SLC8A1: variants seen among roughly 807,000 people sequenced by gnomAD.
The protein encoded by SLC8A1 is solute carrier family 8 member A1, also known as sodium/calcium exchanger 1.
In SLC8A1, 18 loss-of-function variants were observed where a neutral mutation model predicts 68.3. The observed-to-expected ratio is 0.26, with a 90% CI of 0.18 to 0.39. SLC8A1 has a LOEUF of 0.39. Ranked by LOEUF, SLC8A1 falls within the 10% of genes least tolerant of loss-of-function variation. The pLI is 1.00. For missense variants in SLC8A1, 985 were observed against 1,156.7 expected (o/e 0.85, Z 2.15); for synonymous variants, 475 against 415.5 (o/e 1.14, Z -1.74).
rs374849942 is a variant in SLC8A1, at chr2:40,127,224, A to C, written c.2438-11595T>G. 2.0e-3 allele frequency among the ~76,000 whole-genome samples: 310 copies of C among 152,348 alleles called. 2 individuals carry two copies. Among genetic ancestry groups the C allele is most frequent in the African/African-American group, 7.0e-3 (292 of 41,588 alleles). On this transcript the variant is annotated intron_variant, in intron 7 of 7. Transcript: ENST00000406785. ...GACTCAGTTCAGTTATAGAAGCTATAGATGAGAGAGCTTAATCTTTACTCT... is the reference window on the plus strand; with the variant it reads ...GACTCAGTTCAGTTATAGAAGCTATCGATGAGAGAGCTTAATCTTTACTCT...
rs541439343 is a variant in SLC8A1, at chr2:40,162,713, TTGTC to T, written c.2062-1853_2062-1850del. Reference sequence around the variant, plus strand: ...TTCAGACACCTGAACTTGGACACTGTTGTCTGTATTTACCTAGGAGGTTCCTAAA... The same window carrying T: ...TTCAGACACCTGAACTTGGACACTGTTGTATTTACCTAGGAGGTTCCTAAA... On this transcript the variant is annotated intron_variant, in intron 5 of 7. Transcript: ENST00000406785. 1.1e-3 allele frequency among the ~76,000 whole-genome samples: 164 copies of T among 152,310 alleles called. 2 individuals carry two copies. Among genetic ancestry groups the T allele is most frequent in the African/African-American group, 3.8e-3 (160 of 41,570 alleles).
chr2:40,203,183 C>T (rs900677017), intron 2 of SLC8A1, among the ~76,000 whole-genome samples: 1 of 152,018 alleles, frequency 6.6e-6, no homozygotes, highest in Non-Finnish European at 1.5e-5. Flanking sequence ...AGCATGTTTA[C>T]TTGCAATTCC....
intron 1 of SLC8A1, among the ~76,000 whole-genome samples, chr2:40,470,485 C>T (rs1049831757): frequency 6.6e-6 from 1 of 151,752 alleles, no homozygotes; most frequent in Admixed American, 6.6e-5. Flanking sequence ...CATGGAAACC[C>T]ATTAAAAATG....
chr2:40,203,258 C>T (rs2054751041), intron 2 of SLC8A1, among the ~76,000 whole-genome samples: 1 of 151,964 alleles, frequency 6.6e-6, no homozygotes, highest in Non-Finnish European at 1.5e-5. Context: ...GGAGACACAG[C>T]TTTCATCAGC....
intron 1 of SLC8A1, among the ~76,000 whole-genome samples, chr2:40,507,003 C>T (rs1215156035): frequency 1.3e-5 from 2 of 151,920 alleles, no homozygotes; most frequent in Non-Finnish European, 2.9e-5. Flanking sequence ...TTTTACAAAA[C>T]TAAATGCACA....
intron 6 of SLC8A1, among the ~76,000 whole-genome samples, chr2:40,153,387 G>C (rs959121616): frequency 1.3e-5 from 2 of 152,142 alleles, no homozygotes; most frequent in African/African-American, 4.8e-5. Context: ...TTGAACTCAA[G>C]TATCTAGAGA....
intron 1 of SLC8A1, among the ~76,000 whole-genome samples, chr2:40,436,328 C>T (rs138886150): frequency 7.9e-4 from 120 of 152,188 alleles, no homozygotes; most frequent in African/African-American, 2.8e-3. Context: ...GGGAAATGGG[C>T]CTAAGCATTT....
chr2:40,180,987 C>T (rs2049423105), intron 2 of SLC8A1, among the ~76,000 whole-genome samples: 1 of 151,732 alleles, frequency 6.6e-6, no homozygotes, highest in East Asian at 1.9e-4. Flanking sequence ...GAGATGGAGT[C>T]TCACTCTTAT....
chr2:40,283,776 G>A (rs748190301), intron 2 of SLC8A1, among the ~76,000 whole-genome samples: 9 of 152,242 alleles, frequency 5.9e-5, no homozygotes, highest in African/African-American at 9.6e-5. Flanking sequence ...CCTTGACAGC[G>A]TTCCTAACAA....
chr2:40,317,561 T>A (rs1490272238), intron 2 of SLC8A1, among the ~76,000 whole-genome samples: 1 of 152,124 alleles, frequency 6.6e-6, no homozygotes, highest in African/African-American at 2.4e-5. Flanking sequence ...AAGACATGAC[T>A]GTATGTCAAC....
intron 2 of SLC8A1, among the ~76,000 whole-genome samples, chr2:40,407,998 A>G (rs1366786585): frequency 1.3e-5 from 2 of 152,214 alleles, no homozygotes; most frequent in Non-Finnish European, 2.9e-5. Context: ...CGTGTTAGGC[A>G]TCACAGAGCA....
intron 2 of SLC8A1, among the ~76,000 whole-genome samples, chr2:40,363,864 T>C (rs902386644): frequency 2.6e-5 from 4 of 152,086 alleles, no homozygotes; most frequent in African/African-American, 4.8e-5. Flanking sequence ...ATTATTTGCT[T>C]GTTGAGTTTA....
chr2:40,097,356 G>T (rs1046844962), exon 8 of SLC8A1: 9 of 151,946 alleles, frequency 5.9e-5, no homozygotes, highest in Non-Finnish European at 1.5e-5. Flanking sequence ...ATACAGAATT[G>T]ACTAGTTCAG....
intron 2 of SLC8A1, among the ~76,000 whole-genome samples, chr2:40,196,444 A>G (rs942207972): frequency 1.3e-5 from 2 of 152,006 alleles, no homozygotes; most frequent in Non-Finnish European, 2.9e-5. Context: ...GGAACATAAT[A>G]TTAGACCAGT....
intron 7 of SLC8A1, among the ~76,000 whole-genome samples, chr2:40,126,214 ACT>A (rs1260562642): frequency 6.6e-6 from 1 of 152,190 alleles, no homozygotes; most frequent in South Asian, 2.1e-4. Flanking sequence ...ACGCTGACTA[ACT>A]CTCAGGGCTG....
chr2:40,434,432 T>G (rs1698998618), intron 1 of SLC8A1, among the ~76,000 whole-genome samples: 1 of 152,142 alleles, frequency 6.6e-6, no homozygotes, highest in Non-Finnish European at 1.5e-5. Context: ...TCTTCATCCT[T>G]TTGTTTTCTT....
chr2:40,450,351 A>AGTGTGTGT (rs141272449), intron 1 of SLC8A1, among the ~76,000 whole-genome samples: 22 of 149,808 alleles, frequency 1.5e-4, no homozygotes, highest in South Asian at 2.1e-4. Context: ...AAAGCATGTG[A>AGTGTGTGT]GTGTGTGTGT....
At chr2:40,258,849 CA>C (rs1169653145) in intron 2 of SLC8A1, among the ~76,000 whole-genome samples, 15 of 149,336 alleles carry the variant, frequency 1.0e-4, no homozygotes, top group Non-Finnish European at 1.9e-4. Context: ...CTCAAAAAAA[CA>C]AAAAACAAAC....
At chr2:40,236,568 T>C (rs1453454174) in intron 2 of SLC8A1, among the ~76,000 whole-genome samples, 3 of 150,230 alleles carry the variant, frequency 2.0e-5, no homozygotes, top group African/African-American at 7.3e-5. Flanking sequence ...TGCCAGTCTG[T>C]GTCTTTTAAT....
Sources: allele counts gnomAD v4.1 joint callset (sites outside exome capture counted in the v4.1 genomes callset), GRCh38; gene constraint gnomAD v4.1.1; transcripts MANE v1.5; gene names NCBI Gene and HGNC (gene_info 2026-07-23, HGNC 2026-07-21).